AGBL1: variants seen among roughly 807,000 people sequenced by gnomAD.
AGBL1 encodes the protein cytosolic carboxypeptidase 4.
Under a neutral mutation model 118.9 loss-of-function variants are expected in AGBL1, and 130 were observed. The observed-to-expected ratio is 1.09, with a 90% CI of 0.95 to 1.26. AGBL1 has a LOEUF of 1.26. AGBL1 is among the 50% of genes most tolerant of loss of function. The pLI is 0.00. For missense variants in AGBL1, 1,584 were observed against 1,298.1 expected (o/e 1.22, Z -3.38); for synonymous variants, 555 against 478.9 (o/e 1.16, Z -2.08).
intron 23 of AGBL1, among the ~76,000 whole-genome samples, chr15:86,942,868 A>G (rs2080771882): frequency 6.6e-6 from 1 of 152,198 alleles, no homozygotes; most frequent in Non-Finnish European, 1.5e-5. Context: ...ATCCACCAAT[A>G]GTTGCTAATA....
intron 17 of AGBL1, among the ~76,000 whole-genome samples, chr15:86,314,760 C>G (rs1330738787): frequency 6.6e-6 from 1 of 152,154 alleles, no homozygotes; most frequent in Non-Finnish European, 1.5e-5. Flanking sequence ...CACTCAGAAA[C>G]CAGCCGTGTA....
intron 22 of AGBL1, among the ~76,000 whole-genome samples, chr15:86,719,540 A>T (rs1439294458): frequency 1.3e-5 from 2 of 151,856 alleles, no homozygotes; most frequent in Non-Finnish European, 2.9e-5. Context: ...GTAAAACCAG[A>T]CTCCATCCTG....
intron 24 of AGBL1, chr15:87,028,692 G>A (rs2141816351): frequency 1.4e-6 from 1 of 732,992 alleles, no homozygotes; most frequent in Non-Finnish European, 2.3e-6. Flanking sequence ...ATGTAAGTAT[G>A]ATTGTTTATA....
At chr15:86,761,891 A>G (rs1294696644) in intron 22 of AGBL1, among the ~76,000 whole-genome samples, 2 of 152,072 alleles carry the variant, frequency 1.3e-5, no homozygotes, top group African/African-American at 4.8e-5. Context: ...TGGCAATTTC[A>G]TCATAAAATC....
chr15:86,765,798 A>G (rs2078089441), intron 22 of AGBL1, among the ~76,000 whole-genome samples: 1 of 151,910 alleles, frequency 6.6e-6, no homozygotes, highest in Non-Finnish European at 1.5e-5. Context: ...GCTGGGAAAT[A>G]ATTTATAACC....
intron 5 of AGBL1, among the ~76,000 whole-genome samples, chr15:86,204,505 C>G (rs538523501): frequency 4.8e-5 from 6 of 124,870 alleles, no homozygotes; most frequent in Non-Finnish European, 8.5e-5. Context: ...CTTCCCCTTC[C>G]CCTTCCCCTT....
intron 22 of AGBL1, among the ~76,000 whole-genome samples, chr15:86,872,508 C>A (rs564122215): frequency 6.6e-6 from 1 of 152,290 alleles, no homozygotes; most frequent in South Asian, 2.1e-4. Context: ...GTAATCCCAG[C>A]ACTTTGGGAG....
At chr15:86,471,498 GTTT>G (rs375141045) in intron 18 of AGBL1, among the ~76,000 whole-genome samples, 52,037 of 142,422 alleles carry the variant, frequency 0.37, 9,955 homozygotes, top group Non-Finnish European at 0.46. Context: ...TTGGCCTATA[GTTT>G]TTTTTTTTTT....
chr15:86,379,894 C>G (rs1220638375), intron 17 of AGBL1, among the ~76,000 whole-genome samples: 2 of 152,204 alleles, frequency 1.3e-5, no homozygotes, highest in Non-Finnish European at 2.9e-5. Flanking sequence ...TGTGAGAACT[C>G]TTAACTTTTC....
At chr15:86,710,256 C>A (rs757634527) in intron 22 of AGBL1, among the ~76,000 whole-genome samples, 1 of 152,094 alleles carries the variant, frequency 6.6e-6, no homozygotes, top group Non-Finnish European at 1.5e-5. Context: ...CACCAAGTAT[C>A]GATGGATTGC....
intron 23 of AGBL1, among the ~76,000 whole-genome samples, chr15:86,969,849 G>A (rs2081089808): frequency 6.6e-6 from 1 of 151,846 alleles, no homozygotes; most frequent in Non-Finnish European, 1.5e-5. Flanking sequence ...ATCAGGAGCT[G>A]GTCTACAGTC....
At chr15:86,747,393 A>G (rs2077772881) in intron 22 of AGBL1, among the ~76,000 whole-genome samples, 1 of 152,152 alleles carries the variant, frequency 6.6e-6, no homozygotes, top group Non-Finnish European at 1.5e-5. Context: ...AATAAATAAA[A>G]ATAATAAAAC....
intron 22 of AGBL1, among the ~76,000 whole-genome samples, chr15:86,897,764 C>CTTT (rs71460231): frequency 0.042 from 3,389 of 80,634 alleles, 314 homozygotes; most frequent in African/African-American, 0.12. Flanking sequence ...CATCTTTTAT[C>CTTT]TTTTTTTTTT....
chr15:86,476,745 C>G (rs149944959), intron 18 of AGBL1, among the ~76,000 whole-genome samples: 1 of 152,172 alleles, frequency 6.6e-6, no homozygotes, highest in African/African-American at 2.4e-5. Flanking sequence ...TAGACATCTA[C>G]GGAACTCTCC....
At chr15:86,537,698 T>C (rs1267130456) in intron 19 of AGBL1, among the ~76,000 whole-genome samples, 1 of 152,342 alleles carries the variant, frequency 6.6e-6, no homozygotes. Flanking sequence ...AGAACCACAC[T>C]GATTAGAGTT....
Position 87,002,585 on chromosome 15 carries a change from C to T in AGBL1, c.3323+14497C>T, listed in dbSNP as rs192209502. On this transcript the variant is annotated intron_variant, in intron 24 of 24. Coordinates refer to the AGBL1 transcript ENST00000441037. ...ACCTTGGGCAGTATGGCCATTTTCA[C>T]GATATTGATTCTTCCTATCCATGAG... Among the ~76,000 whole-genome samples, 143 of 152,090 alleles carry T rather than the reference C, an allele frequency of 9.4e-4. 1 individual carries two copies. The highest frequency in any genetic ancestry group is 1.9e-3 in the African/African-American group (77 of 41,496).
At chr15:86,383,247 TAAA>T (rs4035838) in intron 17 of AGBL1, among the ~76,000 whole-genome samples, 5 of 54,480 alleles carry the variant, frequency 9.2e-5, no homozygotes, top group South Asian at 1.0e-3. Context: ...ATTCAGTATG[TAAA>T]AAAAAAAAAA....
At chr15:86,985,873 T>G (rs1293570078) in intron 23 of AGBL1, among the ~76,000 whole-genome samples, 1 of 152,182 alleles carries the variant, frequency 6.6e-6, no homozygotes, top group Admixed American at 6.5e-5. Context: ...AGTTCGCTTT[T>G]GTATGCAATG....
At chr15:86,825,384 C>T (rs545343340) in intron 22 of AGBL1, among the ~76,000 whole-genome samples, 46 of 4,716 alleles carry the variant, frequency 9.8e-3, no homozygotes, top group South Asian at 0.063. Context: ...AAGGTAGAAA[C>T]TGTAAAAAAA....
Sources: allele counts gnomAD v4.1 joint callset (sites outside exome capture counted in the v4.1 genomes callset), GRCh38; gene constraint gnomAD v4.1.1; transcripts MANE v1.5; gene names NCBI Gene and HGNC (gene_info 2026-07-23, HGNC 2026-07-21).